Variants in NEGR1 observed in about 807,000 individuals in gnomAD.
The protein encoded by NEGR1 is IgLON family member 4.
Under a neutral mutation model 40.9 loss-of-function variants are expected in NEGR1, and 10 were observed. That is an observed-to-expected ratio of 0.24 (90% CI 0.15 to 0.42). The LOEUF is 0.42. NEGR1 is among the 10% of genes least tolerant of loss of function. NEGR1 has a pLI of 1.00. For missense variants in NEGR1, 352 were observed against 438.9 expected (o/e 0.80, Z 1.77); for synonymous variants, 185 against 166.8 (o/e 1.11, Z -0.84).
intron 2 of NEGR1, among the ~76,000 whole-genome samples, chr1:71,828,010 T>C (rs927710089): frequency 6.6e-6 from 1 of 151,920 alleles, no homozygotes; most frequent in Non-Finnish European, 1.5e-5. Context: ...ACATCTAAAA[T>C]CTCAGAATCA....
intron 2 of NEGR1, among the ~76,000 whole-genome samples, chr1:71,803,158 G>T (rs1329011487): frequency 2.6e-5 from 4 of 152,008 alleles, no homozygotes; most frequent in Non-Finnish European, 5.9e-5. Flanking sequence ...AGGTCATCTT[G>T]GTTGGCCCCT....
intron 3 of NEGR1, among the ~76,000 whole-genome samples, chr1:71,770,610 G>A (rs1172704505): frequency 7.9e-5 from 12 of 152,156 alleles, no homozygotes; most frequent in Non-Finnish European, 2.9e-5. Flanking sequence ...AGAAAGCATA[G>A]AAGTAAACAA....
chr1:71,657,330 C>A (rs779311317), intron 4 of NEGR1, among the ~76,000 whole-genome samples: 4 of 152,066 alleles, frequency 2.6e-5, no homozygotes, highest in Non-Finnish European at 5.9e-5. Context: ...AAATAAAATT[C>A]TCTGTGAAAC....
chr1:71,768,441 A>AT (rs200084273), intron 3 of NEGR1, among the ~76,000 whole-genome samples: 1,973 of 151,900 alleles, frequency 0.013, 41 homozygotes, highest in African/African-American at 0.045. Context: ...TATCCTTCCA[A>AT]TTTTTTTTGT....
intron 1 of NEGR1, among the ~76,000 whole-genome samples, chr1:71,982,971 G>T (rs1008487440): frequency 6.6e-6 from 1 of 152,026 alleles, no homozygotes; most frequent in African/African-American, 2.4e-5. Flanking sequence ...TCTTTCTCGG[G>T]TGTTGATGTA....
intron 2 of NEGR1, among the ~76,000 whole-genome samples, chr1:71,909,814 G>A (rs544840727): frequency 1.5e-4 from 23 of 152,248 alleles, no homozygotes; most frequent in African/African-American, 5.1e-4. Context: ...TTAATATTGA[G>A]GAGATGTTTG....
chr1:72,224,915 G>T (rs144659850), intron 1 of NEGR1, among the ~76,000 whole-genome samples: 1 of 152,060 alleles, frequency 6.6e-6, no homozygotes, highest in South Asian at 2.1e-4. Context: ...TTAACATCAT[G>T]AATTATGTTA....
At chr1:71,743,307 A>C (rs1396620662) in intron 3 of NEGR1, among the ~76,000 whole-genome samples, 1 of 152,154 alleles carries the variant, frequency 6.6e-6, no homozygotes, top group Non-Finnish European at 1.5e-5. Context: ...TAAACATAAA[A>C]TAACAGAGGT....
At position 71,921,450 on chromosome 1, in the gene NEGR1, A is replaced by C. The variant is rs551088307; in HGVS notation, c.409+13629T>G. Among the ~76,000 whole-genome samples the C allele has an allele frequency of 1.3e-3, 204 of 152,198 alleles. 1 individual carries two copies. Among genetic ancestry groups the C allele is most frequent in the African/African-American group, 4.8e-3 (198 of 41,538 alleles). ...CACCTCTGCCACCAGACACAGCAGG[A>C]CCAACCCCTCTTCTTTCTCCTCTGC... On this transcript the variant is annotated intron_variant, in intron 2 of 6. Coordinates refer to ENST00000357731, the MANE Select transcript of NEGR1 (RefSeq NM_173808.3).
chr1:71,620,826 A>G (rs569356576), intron 4 of NEGR1, among the ~76,000 whole-genome samples: 1 of 151,914 alleles, frequency 6.6e-6, no homozygotes, highest in Non-Finnish European at 1.5e-5. Flanking sequence ...TAATGCAGTA[A>G]AAAAGCACTG....
intron 3 of NEGR1, among the ~76,000 whole-genome samples, chr1:71,773,858 C>T (rs915387348): frequency 6.6e-6 from 1 of 152,096 alleles, no homozygotes; most frequent in African/African-American, 2.4e-5. Flanking sequence ...ACTTCACTAA[C>T]CAACATTCCT....
chr1:71,584,870 C>A (rs1056050352), intron 6 of NEGR1, among the ~76,000 whole-genome samples: 1 of 152,140 alleles, frequency 6.6e-6, no homozygotes, highest in African/African-American at 2.4e-5. Context: ...ACGCCATATA[C>A]TCAAGTCACA....
At chr1:71,638,430 A>T (rs1333992663) in intron 4 of NEGR1, among the ~76,000 whole-genome samples, 2 of 152,092 alleles carry the variant, frequency 1.3e-5, no homozygotes, top group African/African-American at 4.8e-5. Flanking sequence ...AAGATTAGAG[A>T]ATATAAAAAT....
At chr1:71,514,095 T>A (rs1195873535) in intron 6 of NEGR1, among the ~76,000 whole-genome samples, 2 of 143,676 alleles carry the variant, frequency 1.4e-5, no homozygotes, top group East Asian at 4.1e-4. Context: ...TCGCGCTGAT[T>A]GCTAGCACAG....
intron 6 of NEGR1, among the ~76,000 whole-genome samples, chr1:71,469,110 A>G (rs1339987800): frequency 6.6e-6 from 1 of 152,068 alleles, no homozygotes; most frequent in African/African-American, 2.4e-5. Context: ...CTCCTTTGAA[A>G]TTGATTCATG....
At chr1:72,264,902 C>T (rs1285953183) in intron 1 of NEGR1, among the ~76,000 whole-genome samples, 1 of 150,448 alleles carries the variant, frequency 6.6e-6, no homozygotes, top group Non-Finnish European at 1.5e-5. Context: ...ATGGAAAACA[C>T]ATTAACAATA....
At chr1:72,154,493 T>A (rs1044935855) in intron 1 of NEGR1, among the ~76,000 whole-genome samples, 2 of 151,926 alleles carry the variant, frequency 1.3e-5, no homozygotes, top group African/African-American at 4.8e-5. Context: ...GCAAAAGCAT[T>A]AAAAAAATCC....
chr1:72,234,484 T>C (rs1283019429), intron 1 of NEGR1, among the ~76,000 whole-genome samples: 1 of 151,874 alleles, frequency 6.6e-6, no homozygotes, highest in African/African-American at 2.4e-5. Context: ...ATCAACAAAG[T>C]GAACCGCCAA....
intron 6 of NEGR1, among the ~76,000 whole-genome samples, chr1:71,456,462 T>C (rs1045580145): frequency 2.0e-5 from 3 of 152,204 alleles, no homozygotes; most frequent in African/African-American, 7.2e-5. Context: ...TGTGTCCCTC[T>C]TTATTCATAG....
Sources: gnomAD v4.1 joint callset for allele counts (sites outside exome capture counted in the v4.1 genomes callset) on GRCh38, gnomAD v4.1.1 for gene constraint, MANE v1.5 for transcripts, NCBI Gene and HGNC (gene_info 2026-07-23, HGNC 2026-07-21) for gene names.